GTF2F2: variants seen among roughly 807,000 people sequenced by gnomAD.
GTF2F2 encodes the protein general transcription factor IIF subunit 2, also known as ATP-dependent helicase GTF2F2.
Under a neutral mutation model 42.2 loss-of-function variants are expected in GTF2F2, and 23 were observed. That is an observed-to-expected ratio of 0.55 (90% CI 0.39 to 0.77). The LOEUF is 0.77. Among genes scored for constraint, GTF2F2 ranks in the 30% least tolerant of loss-of-function variants. The probability of loss-of-function intolerance (pLI) is 0.00; values close to 1 mark genes in which losing one functional copy is unlikely to be tolerated. For missense variants in GTF2F2, 261 were observed against 287.2 expected, an observed-to-expected ratio of 0.91 and a Z score of 0.66; for synonymous variants, 105 against 100.8, an observed-to-expected ratio of 1.04 and a Z score of -0.25.
At chr13:45,264,119 C>T (rs1876462377) in intron 6 of GTF2F2, among the ~76,000 whole-genome samples, 1 of 152,126 alleles carries the variant, frequency 6.6e-6, no homozygotes, top group African/African-American at 2.4e-5. Context: ...GCAGTGCCCC[C>T]AGGAACTAAA....
chr13:45,125,116 AT>A (rs1868912578), intron 1 of GTF2F2, among the ~76,000 whole-genome samples: 1 of 152,168 alleles, frequency 6.6e-6, no homozygotes. Flanking sequence ...GGAACTTAAC[AT>A]TTCTTGTGTA....
At chr13:45,147,508 G>A (rs1161961679) in intron 2 of GTF2F2, among the ~76,000 whole-genome samples, 1 of 152,166 alleles carries the variant, frequency 6.6e-6, no homozygotes, top group Admixed American at 6.5e-5. Flanking sequence ...TGCAAGTTGA[G>A]GGTATTGTTG....
At chr13:45,127,156 T>C (rs1389481637) in intron 1 of GTF2F2, among the ~76,000 whole-genome samples, 9 of 151,534 alleles carry the variant, frequency 5.9e-5, no homozygotes, top group African/African-American at 2.2e-4. Context: ...ATTAATGTGC[T>C]ATTATTATTA....
intron 5 of GTF2F2, among the ~76,000 whole-genome samples, chr13:45,245,019 G>A (rs956467613): frequency 6.6e-6 from 1 of 152,140 alleles, no homozygotes; most frequent in Non-Finnish European, 1.5e-5. Context: ...TACATCAGAT[G>A]TTTGTATCTA....
chr13:45,173,266 T>A (rs2138146775), intron 4 of GTF2F2, among the ~76,000 whole-genome samples: 1 of 152,292 alleles, frequency 6.6e-6, no homozygotes, highest in Non-Finnish European at 1.5e-5. Context: ...TCCTCAGTGG[T>A]AATATTGCAA....
intron 1 of GTF2F2, among the ~76,000 whole-genome samples, chr13:45,134,604 A>G (rs1224610220): frequency 6.6e-6 from 1 of 152,128 alleles, no homozygotes; most frequent in African/African-American, 2.4e-5. Flanking sequence ...CATCGTAAGG[A>G]GTTTGCCAAA....
chr13:45,190,726 A>AT (rs1418502837), intron 4 of GTF2F2, among the ~76,000 whole-genome samples: 1 of 152,060 alleles, frequency 6.6e-6, no homozygotes, highest in Non-Finnish European at 1.5e-5. Context: ...CATTTGAAGT[A>AT]TAAGTTTTGT....
chr13:45,209,073 G>A (rs1322608845), intron 5 of GTF2F2, among the ~76,000 whole-genome samples: 1 of 152,178 alleles, frequency 6.6e-6, no homozygotes, highest in Admixed American at 6.5e-5. Context: ...GATCAGGCAG[G>A]TCACCTGCTG....
At chr13:45,178,616 TC>T (rs566875253) in intron 4 of GTF2F2, among the ~76,000 whole-genome samples, 96 of 152,276 alleles carry the variant, frequency 6.3e-4, no homozygotes, top group Admixed American at 2.4e-3. Context: ...TAAATTTTTT[TC>T]TTTTTTTCTT....
At chr13:45,155,044 C>T (rs983569162) in intron 4 of GTF2F2, among the ~76,000 whole-genome samples, 1 of 152,164 alleles carries the variant, frequency 6.6e-6, no homozygotes, top group African/African-American at 2.4e-5. Flanking sequence ...TAAATAGTAG[C>T]AGGGGCTCTG....
intron 5 of GTF2F2, among the ~76,000 whole-genome samples, chr13:45,243,020 A>C (rs1001867420): frequency 3.3e-5 from 5 of 152,166 alleles, no homozygotes; most frequent in African/African-American, 1.2e-4. Flanking sequence ...TATACACAGT[A>C]ATTTGCAAAT....
At chr13:45,224,340 A>T (rs1391563142) in intron 5 of GTF2F2, among the ~76,000 whole-genome samples, 1 of 152,212 alleles carries the variant, frequency 6.6e-6, no homozygotes, top group Non-Finnish European at 1.5e-5. Flanking sequence ...AATCCAGTTT[A>T]AAAATTCCAC....
chr13:45,166,542 G>A lies in GTF2F2; in HGVS notation c.304+14711G>A, dbSNP rs75655404. 2.9e-3 allele frequency among the ~76,000 whole-genome samples: 442 copies of A among 152,302 alleles called. 1 individual carries two copies. The highest frequency in any genetic ancestry group is 9.9e-3 in the African/African-American group (411 of 41,562). On this transcript the variant is annotated intron_variant, in intron 4 of 7. Transcript: ENST00000340473. ...GTGTTAGGGAAAGTACGAAAGCTGT[G>A]TTCACTGAGCTTCATATGGATTGTT...
intron 4 of GTF2F2, among the ~76,000 whole-genome samples, chr13:45,162,488 C>CA (rs1249698879): frequency 6.6e-6 from 1 of 152,188 alleles, no homozygotes; most frequent in Non-Finnish European, 1.5e-5. Context: ...CCTGAACTGC[C>CA]ACCAAGGTTG....
intron 5 of GTF2F2, among the ~76,000 whole-genome samples, chr13:45,242,754 G>A (rs1875381558): frequency 6.6e-6 from 1 of 152,154 alleles, no homozygotes; most frequent in South Asian, 2.1e-4. Context: ...GTCTAACAAA[G>A]GTGTCATTTA....
intron 1 of GTF2F2, among the ~76,000 whole-genome samples, chr13:45,121,578 G>A (rs1445912333): frequency 6.6e-6 from 1 of 152,194 alleles, no homozygotes; most frequent in Non-Finnish European, 1.5e-5. Flanking sequence ...TAACACGACA[G>A]ATGTGTATTA....
intron 4 of GTF2F2, among the ~76,000 whole-genome samples, chr13:45,200,574 G>A (rs988437054): frequency 1.3e-5 from 2 of 152,318 alleles, no homozygotes; most frequent in African/African-American, 4.8e-5. Context: ...GATTACAGAT[G>A]TGAGCCACCA....
chr13:45,156,824 AT>A (rs1870778869), intron 4 of GTF2F2, among the ~76,000 whole-genome samples: 1 of 152,098 alleles, frequency 6.6e-6, no homozygotes, highest in African/African-American at 2.4e-5. Context: ...TTTTGCTTTC[AT>A]TTTTCATTAT....
chr13:45,122,014 C>CTTG (rs2138080035), intron 1 of GTF2F2, among the ~76,000 whole-genome samples: 1 of 152,096 alleles, frequency 6.6e-6, no homozygotes, highest in Non-Finnish European at 1.5e-5. Flanking sequence ...GTTTGTCTTA[C>CTTG]AGGATTTGGA....
Sources: gnomAD v4.1 joint callset for allele counts (sites outside exome capture counted in the v4.1 genomes callset) on GRCh38, gnomAD v4.1.1 for gene constraint, MANE v1.5 for transcripts, NCBI Gene and HGNC (gene_info 2026-07-23, HGNC 2026-07-21) for gene names.